The following CACNA2D1 variants were observed in gnomAD, a reference collection of about 807,000 sequenced individuals.
CACNA2D1 encodes the protein calcium voltage-gated channel auxiliary subunit alpha2delta 1.
CACNA2D1 carries 53 observed loss-of-function variants against 171.5 expected under a neutral mutation model. The observed-to-expected ratio is 0.31, with a 90% CI of 0.25 to 0.39. The LOEUF is 0.39. CACNA2D1 is among the 10% of genes least tolerant of loss of function. CACNA2D1 has a pLI of 1.00. For missense variants in CACNA2D1, 903 were observed against 1,299.8 expected (o/e 0.69, Z 4.69); for synonymous variants, 442 against 443.1 (o/e 1.00, Z 0.03).
chr7:82,215,616 T>C (rs1440562029), intron 3 of CACNA2D1, among the ~76,000 whole-genome samples: 1 of 152,162 alleles, frequency 6.6e-6, no homozygotes, highest in Non-Finnish European at 1.5e-5. Flanking sequence ...ATAACTATTT[T>C]TTAAATTTTT....
intron 3 of CACNA2D1, among the ~76,000 whole-genome samples, chr7:82,331,799 A>C (rs1817330647): frequency 6.6e-6 from 1 of 152,196 alleles, no homozygotes; most frequent in Non-Finnish European, 1.5e-5. Context: ...TGATGTCCAA[A>C]TTACCTGCTT....
At chr7:82,028,422 CT>C (rs1486264548) in intron 12 of CACNA2D1, 1 of 151,782 alleles carries the variant, frequency 6.6e-6, no homozygotes, top group African/African-American at 2.4e-5. Flanking sequence ...GTTTTCATGC[CT>C]GCTAACACAA....
intron 6 of CACNA2D1, among the ~76,000 whole-genome samples, chr7:82,109,840 C>A (rs1179382714): frequency 1.3e-5 from 2 of 152,290 alleles, no homozygotes; most frequent in East Asian, 1.9e-4. Flanking sequence ...GGTATATTCA[C>A]CTCCTTTGAT....
chr7:82,395,447 G>T (rs986138399), intron 1 of CACNA2D1, among the ~76,000 whole-genome samples: 2 of 152,146 alleles, frequency 1.3e-5, no homozygotes, highest in Admixed American at 6.6e-5. Context: ...TTAACGCTTT[G>T]TATTATATTA....
intron 12 of CACNA2D1, chr7:82,029,628 T>C (rs1199992143): frequency 6.6e-6 from 1 of 151,838 alleles, no homozygotes; most frequent in Non-Finnish European, 1.5e-5. Flanking sequence ...TCATATCACT[T>C]TATGTAAGAG....
chr7:82,290,574 T>A (rs2129395344), intron 3 of CACNA2D1, among the ~76,000 whole-genome samples: 1 of 133,620 alleles, frequency 7.5e-6, no homozygotes, highest in African/African-American at 2.7e-5. Context: ...CTACAGGTCG[T>A]ATATTAAAAA....
At chr7:82,335,086 T>C (rs1420973230) in intron 3 of CACNA2D1, 49 bp downstream of exon 3, 1 of 1,173,432 alleles carries the variant, frequency 8.5e-7, no homozygotes, top group East Asian at 2.3e-5. Context: ...AATTAAATAA[T>C]AGATAAGTAA....
Position 81,950,494 on chromosome 7 carries a change from G to C in CACNA2D1, c.3174C>G (p.Asp1058Glu). The part of the protein sequence containing the change: ...FDNNVLEDYT[D>E]CGGVSGLNPS... ...GATTTAATCCAGAAACACCACCACAGTCAGTATAATCCTCCTGTTGTTAAA... is the reference window on the plus strand; with the variant it reads ...GATTTAATCCAGAAACACCACCACACTCAGTATAATCCTCCTGTTGTTAAA... The change falls in exon 39 of 39, where the codon GAC (aspartate) becomes GAG (glutamate). Residue 1058 changes from aspartate to glutamate, a missense_variant. Around this residue, in one of 5 missense-constraint regions of CACNA2D1, gnomAD observed 623 missense variants for 925.5 expected, o/e 0.67. Coordinates refer to ENST00000356860, the MANE Select transcript of CACNA2D1 (RefSeq NM_000722.4). The C allele has an allele frequency of 1.2e-6, 2 of 1,612,036 alleles. No individual in the cohort carries two copies. The highest frequency in any genetic ancestry group is 1.7e-6 in the Non-Finnish European group (2 of 1,179,268).
At chr7:82,112,095 T>C (rs1343119397) in intron 6 of CACNA2D1, among the ~76,000 whole-genome samples, 1 of 152,164 alleles carries the variant, frequency 6.6e-6, no homozygotes, top group African/African-American at 2.4e-5. Flanking sequence ...CTGCCTAATA[T>C]CATTTTTCAT....
intron 3 of CACNA2D1, among the ~76,000 whole-genome samples, chr7:82,313,861 A>G (rs1814773101): frequency 6.6e-6 from 1 of 152,146 alleles, no homozygotes; most frequent in Non-Finnish European, 1.5e-5. Context: ...TCATTCTCAT[A>G]TTTCCTACAT....
At chr7:82,396,262 T>C (rs1825749474) in intron 1 of CACNA2D1, among the ~76,000 whole-genome samples, 1 of 151,994 alleles carries the variant, frequency 6.6e-6, no homozygotes, top group Non-Finnish European at 1.5e-5. Flanking sequence ...GGCAGGAGGA[T>C]CGCCTGAGCC....
At chr7:81,952,904 C>G (rs1478262662) in intron 38 of CACNA2D1, among the ~76,000 whole-genome samples, 1 of 152,004 alleles carries the variant, frequency 6.6e-6, no homozygotes, top group Admixed American at 6.6e-5. Context: ...ACTTGACTTG[C>G]CTTGCCCCTA....
intron 9 of CACNA2D1, 23 bp downstream of exon 9, chr7:82,064,281 A>G (rs1174216415): frequency 2.0e-6 from 3 of 1,492,312 alleles, no homozygotes; most frequent in African/African-American, 1.4e-5. Context: ...CAATATATAA[A>G]TAAGTAGTAT....
chr7:82,020,038 T>C (rs1800996239), intron 12 of CACNA2D1, among the ~76,000 whole-genome samples: 1 of 152,278 alleles, frequency 6.6e-6, no homozygotes, highest in Middle Eastern at 3.4e-3. Flanking sequence ...TATCTCCAGT[T>C]TTATAGCATT....
At chr7:81,982,927 G>A (rs1360998297) in intron 23 of CACNA2D1, among the ~76,000 whole-genome samples, 1 of 152,000 alleles carries the variant, frequency 6.6e-6, no homozygotes, top group African/African-American at 2.4e-5. Flanking sequence ...AAAAGTGATT[G>A]ATATGAATGT....
At chr7:82,369,354 T>C (rs1822108613) in intron 1 of CACNA2D1, among the ~76,000 whole-genome samples, 1 of 151,584 alleles carries the variant, frequency 6.6e-6, no homozygotes, top group Non-Finnish European at 1.5e-5. Flanking sequence ...CCACTGCTTG[T>C]AGGGACTTTT....
At chr7:82,128,438 C>T (rs1168160169) in intron 5 of CACNA2D1, among the ~76,000 whole-genome samples, 1 of 152,020 alleles carries the variant, frequency 6.6e-6, no homozygotes, top group Non-Finnish European at 1.5e-5. Flanking sequence ...TATAAAATGC[C>T]CTTGAGGAAT....
chr7:82,048,435 C>A (rs1431957019), intron 10 of CACNA2D1, among the ~76,000 whole-genome samples: 5 of 151,974 alleles, frequency 3.3e-5, no homozygotes, highest in African/African-American at 1.2e-4. Flanking sequence ...AAGTTTAGAA[C>A]TTATACAAAT....
At chr7:82,358,485 T>C (rs986739555) in intron 1 of CACNA2D1, among the ~76,000 whole-genome samples, 2 of 152,198 alleles carry the variant, frequency 1.3e-5, no homozygotes, top group Admixed American at 6.5e-5. Context: ...TGCTCTGTTT[T>C]TAGAAAGCTG....
Sources: gnomAD v4.1 joint callset for allele counts (sites outside exome capture counted in the v4.1 genomes callset) on GRCh38, gnomAD v4.1.1 for gene constraint, gnomAD v4.1.1 regional missense constraint, MANE v1.5 for transcripts, NCBI Gene and HGNC (gene_info 2026-07-23, HGNC 2026-07-21) for gene names.